The following ACSM1 variants were observed in gnomAD, a reference collection of about 807,000 sequenced individuals.
ACSM1 encodes acyl-CoA synthetase medium chain family member 1.
A neutral mutation model predicts 75.8 loss-of-function variants in ACSM1; 79 were observed. That is an observed-to-expected ratio of 1.04 (90% CI 0.87 to 1.26). The LOEUF is 1.26. ACSM1 is among the 50% of genes most tolerant of loss of function. The pLI is 0.00. For synonymous variants in ACSM1, 279 were observed against 265.8 expected (o/e 1.05, Z -0.48); for missense variants, 676 against 720.1 (o/e 0.94, Z 0.70).
At chr16:20,654,285 A>T (rs956580535) in intron 7 of ACSM1, among the ~76,000 whole-genome samples, 3 of 152,172 alleles carry the variant, frequency 2.0e-5, no homozygotes, top group Non-Finnish European at 4.4e-5. Context: ...TAGACCTAAA[A>T]CCATAAAAAC....
Position 20,669,825 on chromosome 16 carries a change from A to T in ACSM1, c.912+2T>A. ...CTGATAGGGGAAGGTGAGTCTTCTTACCTGTATGATGACCTTGGTGTCAAA... is the reference window on the plus strand; with the variant it reads ...CTGATAGGGGAAGGTGAGTCTTCTTTCCTGTATGATGACCTTGGTGTCAAA... On this transcript the variant is annotated splice_donor_variant, in intron 6 of 13. Transcript: ENST00000520010. LOFTEE classifies it high-confidence loss of function. The T allele has an allele frequency of 1.2e-6, 2 of 1,613,648 alleles. No homozygotes were observed. Among genetic ancestry groups the T allele is most frequent in the Middle Eastern group, 1.7e-4 (1 of 6,038 alleles).
At chr16:20,691,390 T>A in intron 1 of ACSM1, 151 bp from the exon 2 acceptor site, 1 of 508,426 alleles carries the variant, frequency 2.0e-6, no homozygotes, top group Non-Finnish European at 3.4e-6. Context: ...TGGGGATTTA[T>A]CTTCCCAGCT....
At chr16:20,640,873 TTA>T (rs2018015709) in intron 7 of ACSM1, among the ~76,000 whole-genome samples, 1 of 152,184 alleles carries the variant, frequency 6.6e-6, no homozygotes, top group Non-Finnish European at 1.5e-5. Context: ...AACTGTGTGT[TTA>T]TCAGAACTCC....
rs146861278 is a variant in ACSM1 at position 20,682,289 on chromosome 16, C to T, written c.578G>A (p.Arg193His). The change falls in exon 4 of 14, where the codon CGT becomes CAT. Residue 193 changes from arginine to histidine, a missense_variant. Arg to His is a conservative substitution (Grantham distance 29). Coordinates refer to ENST00000520010, the MANE Select transcript of ACSM1 (RefSeq NM_001318890.3). Reference protein sequence around the residue: ...KTKLLVSDHSREGWLDFRSLV... With the variant: ...KTKLLVSDHSHEGWLDFRSLV... The stretch of plus-strand genomic sequence containing the variant: ...CGATCGGAAGTCCAGCCACCCTTCA[C>T]GGCTGTGATCAGACACCAGGAGCTT... 12 of 1,613,622 alleles carry T rather than the reference C, an allele frequency of 7.4e-6. No homozygotes were observed. The highest frequency in any genetic ancestry group is 6.6e-5 in the South Asian group (6 of 91,062).
chr16:20,623,254 A>C lies in ACSM1; in HGVS notation c.*232T>G, dbSNP rs377717305. 1,031 of 492,070 alleles carry C rather than the reference A, an allele frequency of 2.1e-3. 20 individuals are homozygous for C. In the South Asian group the frequency reaches 0.023, roughly 11 times the overall value. The allele number at this position is 492,070 out of a possible 1,614,324, so 30.5% of individuals were successfully genotyped here. A position where few individuals can be genotyped will look rare whatever the true frequency, so the allele number is the denominator to read the frequency against. Reference sequence around the variant, plus strand: ...AGGGTATTGTTGATATCAGTATTTTATTACTTGCGTTATGAGTGCTCACCT... The same window carrying C: ...AGGGTATTGTTGATATCAGTATTTTCTTACTTGCGTTATGAGTGCTCACCT... On this transcript the variant is annotated 3_prime_UTR_variant, in exon 14 of 14. Coordinates refer to ENST00000520010, the MANE Select transcript of ACSM1 (RefSeq NM_001318890.3).
intron 7 of ACSM1, among the ~76,000 whole-genome samples, chr16:20,647,318 G>A (rs1343518799): frequency 6.6e-6 from 1 of 152,192 alleles, no homozygotes; most frequent in African/African-American, 2.4e-5. Context: ...GAACCTGAAT[G>A]CAAAGAAGGA....
chr16:20,623,581 G>A lies in ACSM1; in HGVS notation c.1648-9C>T, dbSNP rs369375204. The A allele has an allele frequency of 2.0e-5, 33 of 1,613,128 alleles. No homozygotes were observed. The African/African-American group carries it at 3.5e-4, about 17-fold the overall frequency. ...TCTGAGACAAACTCCACCTGGTTGA[G>A]GATAAAGCAAATCCACAGTGATTGA... On this transcript the variant is annotated splice_polypyrimidine_tract_variant and intron_variant, in intron 13 of 13. Coordinates refer to ENST00000520010, the MANE Select transcript of ACSM1 (RefSeq NM_001318890.3).
chr16:20,623,344 G>A lies in ACSM1; in HGVS notation c.*142C>T. 2 of 679,752 alleles carry A rather than the reference G, an allele frequency of 2.9e-6. No homozygotes were observed. Among genetic ancestry groups the A allele is most frequent in the South Asian group, 3.8e-5 (2 of 52,994 alleles). The allele number at this position is 679,752 out of a possible 1,614,324, so 42.1% of individuals were successfully genotyped here. On this transcript the variant is annotated 3_prime_UTR_variant, in exon 14 of 14. Transcript: ENST00000520010. Reference sequence around the variant, plus strand: ...GCAACTGAATTTAATTTAAAAGAAGGAAAACATTGGAATCATGGCACTCCT... The same window carrying A: ...GCAACTGAATTTAATTTAAAAGAAGAAAAACATTGGAATCATGGCACTCCT...
chr16:20,631,668 T>C (rs1309325107), intron 10 of ACSM1, among the ~76,000 whole-genome samples: 4 of 152,182 alleles, frequency 2.6e-5, no homozygotes, highest in Non-Finnish European at 5.9e-5. Flanking sequence ...ATATACACCA[T>C]GGGATGCTAT....
intron 3 of ACSM1, 49 bp from the exon 4 acceptor site, chr16:20,682,512 T>C: frequency 6.6e-7 from 1 of 1,507,318 alleles, no homozygotes; most frequent in South Asian, 1.2e-5. Flanking sequence ...TTCACAACCA[T>C]GGGCTTTAGA....
intron 7 of ACSM1, among the ~76,000 whole-genome samples, chr16:20,653,278 C>G (rs1021830926): frequency 6.6e-6 from 1 of 152,144 alleles, no homozygotes; most frequent in Non-Finnish European, 1.5e-5. Context: ...CTATTTATGA[C>G]AAACCCACAG....
In ACSM1 at chr16:20,682,307, A is replaced by G. The variant is rs2079462714; in HGVS notation, c.560T>C (p.Leu187Pro). 6.2e-7 allele frequency: 1 copy of G among 1,613,906 alleles called. No individual in the cohort carries two copies. The highest frequency in any genetic ancestry group is 8.5e-7 in the Non-Finnish European group (1 of 1,179,978). ...CCCTTCACGGCTGTGATCAGACACC[A>G]GGAGCTTGGTTTTCAGAGAGGGGCA... Reference protein sequence around the residue: ...SQCPSLKTKLLVSDHSREGWL... With the variant: ...SQCPSLKTKLPVSDHSREGWL... Residue 187 changes from leucine (L) to proline (P), a missense_variant, in exon 4 of 14, where the codon CTG (leucine) becomes CCG (proline). Coordinates refer to ENST00000520010, the MANE Select transcript of ACSM1 (RefSeq NM_001318890.3).
chr16:20,624,348 G>T, intron 12 of ACSM1, 133 bp from the exon 13 acceptor site: 1 of 1,083,814 alleles, frequency 9.2e-7, no homozygotes, highest in Non-Finnish European at 1.2e-6. Context: ...AGAGGACCAG[G>T]TGTAAATCCC....
intron 6 of ACSM1, among the ~76,000 whole-genome samples, chr16:20,668,880 T>A (rs1204553904): frequency 6.6e-6 from 1 of 152,108 alleles, no homozygotes; most frequent in Non-Finnish European, 1.5e-5. Context: ...ACTGAATATG[T>A]TTACGGACTG....
intron 4 of ACSM1, 120 bp from the exon 5 acceptor site, chr16:20,671,791 A>C: frequency 8.6e-7 from 1 of 1,159,714 alleles, no homozygotes. Context: ...ACTAGAGGAA[A>C]ACTGGCTCTC....
chr16:20,676,925 G>A (rs560290327), intron 4 of ACSM1, among the ~76,000 whole-genome samples: 2 of 152,242 alleles, frequency 1.3e-5, no homozygotes, highest in East Asian at 3.9e-4. Context: ...AAGACTCCCT[G>A]CACCTGCTGT....
chr16:20,627,824 ATCTCTCTCTCTCTC>A (rs68102086), intron 10 of ACSM1, among the ~76,000 whole-genome samples: 5 of 99,114 alleles, frequency 5.0e-5, no homozygotes, highest in East Asian at 3.7e-4. Context: ...GTGAGACTTC[ATCTCTCTCTCTCTC>A]TCTCTCTCTC....
chr16:20,646,584 C>T (rs958933158), intron 7 of ACSM1, among the ~76,000 whole-genome samples: 4 of 152,222 alleles, frequency 2.6e-5, no homozygotes, highest in Non-Finnish European at 5.9e-5. Context: ...TCACTAGATA[C>T]TTCTCCCAGC....
Position 20,623,306 on chromosome 16 carries a change from T to C in ACSM1, c.*180A>G, listed in dbSNP as rs1030018870. On this transcript the variant is annotated 3_prime_UTR_variant, in exon 14 of 14. Transcript: ENST00000520010. ...GGAAATTCTAAAGATACAGAGGACT[T>C]GGAGGAAGCAGAGCAACTGAATTTA... The C allele has an allele frequency of 3.4e-6, 2 of 586,232 alleles. No homozygotes were observed. Among genetic ancestry groups the C allele is most frequent in the African/African-American group, 3.7e-5 (2 of 53,362 alleles). 36.3% of individuals were successfully genotyped at this position (586,232 alleles called of 1,614,324 possible).
Sources: allele counts gnomAD v4.1 joint callset (sites outside exome capture counted in the v4.1 genomes callset), GRCh38; gene constraint gnomAD v4.1.1; transcripts MANE v1.5; gene names NCBI Gene and HGNC (gene_info 2026-07-23, HGNC 2026-07-21).